The following MYO10 variants were observed in gnomAD, a reference collection of about 807,000 sequenced individuals.
MYO10 encodes the protein unconventional myosin-X.
In MYO10, 133 loss-of-function variants were observed where a neutral mutation model predicts 257.3. The observed-to-expected ratio is 0.52, with a 90% confidence interval of 0.45 to 0.60. The LOEUF (loss-of-function observed/expected upper bound fraction) is 0.60. Ranked by LOEUF, MYO10 falls within the 20% of genes least tolerant of loss-of-function variation. The pLI, the probability that MYO10 is intolerant of heterozygous loss-of-function variation, is 0.00. For synonymous variants in MYO10, 1,104 were observed against 1,028.6 expected, an observed-to-expected ratio of 1.07 and a Z score of -1.40; for missense variants, 2,399 against 2,635.7, an observed-to-expected ratio of 0.91 and a Z score of 1.97.
intron 2 of MYO10, among the ~76,000 whole-genome samples, chr5:16,868,560 G>A (rs1279475700): frequency 5.3e-5 from 8 of 151,814 alleles, no homozygotes; most frequent in Non-Finnish European, 4.4e-5. Context: ...AGCCAAGATC[G>A]CGCCACTGCA....
rs1369539897 is a variant in MYO10, at chr5:16,679,987, G to A, written c.4502C>T (p.Pro1501Leu). 23 of 1,613,680 alleles carry A rather than the reference G, an allele frequency of 1.4e-5. No homozygotes were observed. The highest frequency in any genetic ancestry group is 1.6e-4 in the Middle Eastern group (1 of 6,082). Residue 1501 changes from proline (P) to leucine (L), a missense_variant, in exon 33 of 41, where the codon CCG (proline) becomes CTG (leucine). This residue lies in a region of MYO10 where 1,820 missense variants were observed against 1,939.4 expected (regional missense o/e 0.94). Coordinates refer to ENST00000513610, the MANE Select transcript of MYO10 (RefSeq NM_012334.3). ...AIQNVTDTKA[P>L]IDTPTQQLIQ... is the part of the protein sequence containing the mutation. ...CAGCTGCTGGGTGGGGGTGTCGATC[G>A]GGGCCTTGGTGTCAGTCACGTTTTG...
rs549316176 is a variant in MYO10 at position 16,782,036 on chromosome 5, T to C, written c.603-207A>G. 7.9e-5 allele frequency among the ~76,000 whole-genome samples: 12 copies of C among 152,340 alleles called. No homozygotes were observed. In the South Asian group the frequency reaches 2.5e-3, roughly 32 times the overall value. ...ATCTGCATATCCATCTTAGTGAGCG[T>C]AGCTGTGCTGCCAAGGGATGCCACA... On this transcript the variant is annotated intron_variant, in intron 5 of 40. Coordinates refer to ENST00000513610, the MANE Select transcript of MYO10 (RefSeq NM_012334.3).
intron 19 of MYO10, among the ~76,000 whole-genome samples, chr5:16,717,947 T>G (rs941518224): frequency 7.9e-5 from 12 of 152,020 alleles, no homozygotes; most frequent in Non-Finnish European, 1.6e-4. Flanking sequence ...CAGGGAGGTG[T>G]GGAGGGAGAG....
intron 19 of MYO10, among the ~76,000 whole-genome samples, chr5:16,724,548 C>T (rs142526187): frequency 1.3e-5 from 2 of 151,140 alleles, no homozygotes; most frequent in Non-Finnish European, 2.9e-5. Flanking sequence ...ATGCCCAAAA[C>T]GCAGCTCGAT....
At position 16,711,339 on chromosome 5, in the gene MYO10, C is replaced by T. The variant is rs762367064; in HGVS notation, c.1930-94G>A. ...AAAGCCACCTCCATCATTGGTTTAC[C>T]CCGCTTCAAAACACATACGAGAATC... On this transcript the variant is annotated intron_variant, in intron 19 of 40. Transcript: ENST00000513610. 8.9e-6 allele frequency: 12 copies of T among 1,346,594 alleles called. No homozygotes were observed. In the South Asian group the frequency reaches 9.3e-5, roughly 10 times the overall value. The allele number at this position is 1,346,594 out of a possible 1,614,324, so 83.4% of individuals were successfully genotyped here. A position where few individuals can be genotyped will look rare whatever the true frequency, so the allele number is the denominator to read the frequency against.
intron 1 of MYO10, among the ~76,000 whole-genome samples, chr5:16,905,199 G>C (rs1303473849): frequency 2.0e-5 from 3 of 152,172 alleles, no homozygotes; most frequent in Non-Finnish European, 4.4e-5. Context: ...CCAGCACACA[G>C]GTGGCTTCCC....
At chr5:16,905,007 T>C (rs550799578) in intron 1 of MYO10, among the ~76,000 whole-genome samples, 2 of 152,338 alleles carry the variant, frequency 1.3e-5, no homozygotes, top group African/African-American at 4.8e-5. Flanking sequence ...AGAGCTCAGA[T>C]TGCTGAGTTT....
chr5:16,820,750 T>C (rs1742774096), intron 2 of MYO10, among the ~76,000 whole-genome samples: 1 of 152,036 alleles, frequency 6.6e-6, no homozygotes, highest in Non-Finnish European at 1.5e-5. Context: ...CATATTCTGC[T>C]TTCTGGAAAT....
chr5:16,749,461 TG>T (rs1740319162), intron 19 of MYO10, among the ~76,000 whole-genome samples: 2 of 142,868 alleles, frequency 1.4e-5, no homozygotes, highest in Non-Finnish European at 3.0e-5. Flanking sequence ...CACTCCAGCC[TG>T]GGTGACAGAG....
Position 16,673,719 on chromosome 5 carries a change from C to CA in MYO10, c.5134dup (p.Cys1712LeufsTer35). On this transcript the variant is annotated frameshift_variant, in exon 36 of 41. Coordinates refer to ENST00000513610, the MANE Select transcript of MYO10 (RefSeq NM_012334.3). LOFTEE classifies it high-confidence loss of function. ...GGTGTGGGAGTTGATGGTGATCTTG[C>CA]AGGAGCCGCCGCCATGGCAATAGAC... 6.2e-7 allele frequency: 1 copy of CA among 1,613,902 alleles called. No homozygotes were observed. Among genetic ancestry groups the CA allele is most frequent in the Non-Finnish European group, 8.5e-7 (1 of 1,179,882 alleles).
rs561732580 is a variant in MYO10, at chr5:16,700,006, C to T, written c.3433-433G>A. ...TGCTTTTTAAGGCTATAATTTTAAT[C>T]AAACCATGCAAGAGTTCACCCCCTC... On this transcript the variant is annotated intron_variant, in intron 25 of 40. Coordinates refer to ENST00000513610, the MANE Select transcript of MYO10 (RefSeq NM_012334.3). Among the ~76,000 whole-genome samples the T allele has an allele frequency of 1.4e-3, 220 of 152,290 alleles. 2 individuals carry two copies. Among genetic ancestry groups the T allele is most frequent in the Non-Finnish European group, 2.4e-3 (161 of 68,026 alleles).
intron 4 of MYO10, among the ~76,000 whole-genome samples, chr5:16,784,559 G>A (rs1205040046): frequency 2.0e-5 from 3 of 152,180 alleles, no homozygotes; most frequent in Non-Finnish European, 1.5e-5. Flanking sequence ...ACCATGCTTG[G>A]TGTTGTGCAG....
intron 2 of MYO10, among the ~76,000 whole-genome samples, chr5:16,865,102 T>A (rs1272528968): frequency 6.6e-6 from 1 of 152,168 alleles, no homozygotes; most frequent in Non-Finnish European, 1.5e-5. Context: ...CAGCTGCAAC[T>A]GTTTTGATTG....
At chr5:16,774,552 G>T (rs1398942058) in intron 9 of MYO10, among the ~76,000 whole-genome samples, 1 of 151,896 alleles carries the variant, frequency 6.6e-6, no homozygotes. Flanking sequence ...CTCCCGAGTA[G>T]CTGGGACTAC....
intron 4 of MYO10, among the ~76,000 whole-genome samples, chr5:16,788,542 G>A (rs973857961): frequency 2.6e-5 from 4 of 152,166 alleles, no homozygotes; most frequent in Admixed American, 6.5e-5. Flanking sequence ...GTTTCTGGGA[G>A]AAGATGATAC....
intron 2 of MYO10, among the ~76,000 whole-genome samples, chr5:16,862,594 A>G (rs938145280): frequency 1.3e-5 from 2 of 152,246 alleles, no homozygotes; most frequent in African/African-American, 4.8e-5. Flanking sequence ...ACAAAAGCAT[A>G]GTATTTATTT....
intron 19 of MYO10, among the ~76,000 whole-genome samples, chr5:16,719,871 G>C (rs1739068934): frequency 6.6e-6 from 1 of 152,244 alleles, no homozygotes; most frequent in South Asian, 2.1e-4. Context: ...GGCTGAGGCA[G>C]GACAATCACT....
At chr5:16,723,341 T>A (rs1579908532) in intron 19 of MYO10, among the ~76,000 whole-genome samples, 1 of 152,134 alleles carries the variant, frequency 6.6e-6, no homozygotes, top group African/African-American at 2.4e-5. Flanking sequence ...TGAGCCAAGG[T>A]TGCGCCACTG....
At chr5:16,861,697 C>T (rs954691106) in intron 2 of MYO10, among the ~76,000 whole-genome samples, 1 of 152,170 alleles carries the variant, frequency 6.6e-6, no homozygotes, top group Admixed American at 6.5e-5. Context: ...AGGACAGGTA[C>T]ACTTAATCCC....
Sources: allele counts gnomAD v4.1 joint callset (sites outside exome capture counted in the v4.1 genomes callset), GRCh38; gene constraint gnomAD v4.1.1; regional missense constraint gnomAD v4.1.1; transcripts MANE v1.5; gene names NCBI Gene and HGNC (gene_info 2026-07-23, HGNC 2026-07-21).